The following PPFIBP2 variants were observed in gnomAD, a reference collection of about 807,000 sequenced individuals.
The protein encoded by PPFIBP2 is liprin-beta-2.
In PPFIBP2, 118 loss-of-function variants were observed where a neutral mutation model predicts 118.3. The observed-to-expected ratio is 1.00, with a 90% CI of 0.86 to 1.16. PPFIBP2 has a LOEUF of 1.16. Ranked by LOEUF, PPFIBP2 falls within the 50% of genes most tolerant of loss-of-function variation. PPFIBP2 has a pLI of 0.00. For missense variants in PPFIBP2, 1,195 were observed against 1,073.1 expected (o/e 1.11, Z -1.59); for synonymous variants, 414 against 397.4 (o/e 1.04, Z -0.50).
At chr11:7,628,031 A>G (rs1460908396) in intron 8 of PPFIBP2, among the ~76,000 whole-genome samples, 1 of 152,098 alleles carries the variant, frequency 6.6e-6, no homozygotes, top group Non-Finnish European at 1.5e-5. Flanking sequence ...TGTCCTCTCG[A>G]GTACATGGGC....
chr11:7,520,654 A>C (rs1263033829), intron 1 of PPFIBP2, among the ~76,000 whole-genome samples: 3 of 152,214 alleles, frequency 2.0e-5, no homozygotes, highest in African/African-American at 7.2e-5. Context: ...CAGCCTGTTC[A>C]TCCCCATTCA....
intron 11 of PPFIBP2, among the ~76,000 whole-genome samples, chr11:7,631,577 C>G (rs965510726): frequency 1.3e-5 from 2 of 152,084 alleles, no homozygotes; most frequent in Non-Finnish European, 2.9e-5. Flanking sequence ...GTATGAATCT[C>G]TCTAGACTTA....
chr11:7,552,477 C>T (rs1217950369), intron 2 of PPFIBP2, among the ~76,000 whole-genome samples: 1 of 152,026 alleles, frequency 6.6e-6, no homozygotes, highest in Admixed American at 6.6e-5. Flanking sequence ...CTGGATTTGC[C>T]CAGGGTCTGC....
rs751409367 is a variant in PPFIBP2 at position 7,610,303 on chromosome 11, C to T, written c.499C>T (p.Arg167Cys). The stretch of plus-strand genomic sequence containing the variant: ...TTTTTGCTTGCAGGAGCTGCTAAGC[C>T]GCACATCTCTTGAGACCCAGAAGCT... The part of the protein sequence containing the change: ...EEMLQQELLS[R>C]TSLETQKLDL... The change falls in exon 6 of 24, where the codon CGC becomes TGC. Residue 167 changes from arginine (R) to cysteine (C), a missense_variant. Arg to Cys is a radical substitution (Grantham distance 180). Coordinates refer to ENST00000299492, the MANE Select transcript of PPFIBP2 (RefSeq NM_003621.5). 27 of 1,613,804 alleles carry T rather than the reference C, an allele frequency of 1.7e-5. No homozygotes were observed. Among genetic ancestry groups the T allele is most frequent in the Admixed American group, 3.3e-5 (2 of 59,998 alleles).
chr11:7,646,482 A>G (rs1853081305), intron 17 of PPFIBP2, among the ~76,000 whole-genome samples: 1 of 152,240 alleles, frequency 6.6e-6, no homozygotes, highest in Admixed American at 6.5e-5. Context: ...GACTAAATCA[A>G]CCGTCTGTTG....
the PPFIBP2 span, among the ~76,000 whole-genome samples, chr11:7,664,021 G>A: frequency 7.2e-5 from 11 of 152,122 alleles, no homozygotes; most frequent in South Asian, 4.2e-4. Context: ...CACGGTGCGC[G>A]CACCCACTGA....
chr11:7,658,308 CACA>C (rs1374368660), downstream of PPFIBP2, among the ~76,000 whole-genome samples: 1 of 117,376 alleles, frequency 8.5e-6, no homozygotes, highest in African/African-American at 3.5e-5. Flanking sequence ...CCCCCCACCC[CACA>C]ACAGTCCCCA....
In PPFIBP2 at chr11:7,648,882, C is replaced by T. The variant is rs1853547501; in HGVS notation, c.1880C>T (p.Ser627Phe). 1.2e-6 allele frequency: 2 copies of T among 1,613,952 alleles called. No homozygotes were observed. The highest frequency in any genetic ancestry group is 1.3e-5 in the African/African-American group (1 of 74,926). The change falls in exon 19 of 24, where the codon TCT becomes TTT. Residue 627 changes from serine to phenylalanine, a missense_variant. Transcript: ENST00000299492. ...KAINTKQEEK[S>F]ALLDHIWVTR... is the part of the protein sequence containing the mutation. Reference sequence around the variant, plus strand: ...ATCAACACCAAACAGGAGGAGAAGTCTGCACTGCTAGACCACATTTGGGTG... The same window carrying T: ...ATCAACACCAAACAGGAGGAGAAGTTTGCACTGCTAGACCACATTTGGGTG...
intron 3 of PPFIBP2, 138 bp downstream of exon 3, chr11:7,565,905 G>A: frequency 1.1e-6 from 1 of 916,528 alleles, no homozygotes; most frequent in Non-Finnish European, 1.6e-6. Flanking sequence ...GGCCAACGCT[G>A]CAGGGTGGCC....
rs190735437 is a variant in PPFIBP2 at position 7,602,127 on chromosome 11, A to C, written c.486+4454A>C. On this transcript the variant is annotated intron_variant, in intron 5 of 23. Coordinates refer to ENST00000299492, the MANE Select transcript of PPFIBP2 (RefSeq NM_003621.5). ...AAAAAAAAAAGAAGAGTCATTTCTC[A>C]AAAGGATCTTTAAGGGAGGGACAGT... is the stretch of plus-strand genomic sequence containing the variant. 1.4e-3 allele frequency among the ~76,000 whole-genome samples: 205 copies of C among 151,004 alleles called. 1 individual carries two copies. The highest frequency in any genetic ancestry group is 9.2e-4 in the Admixed American group (14 of 15,174).
At chr11:7,604,311 T>C (rs1044494462) in intron 5 of PPFIBP2, among the ~76,000 whole-genome samples, 2 of 152,192 alleles carry the variant, frequency 1.3e-5, no homozygotes, top group East Asian at 3.8e-4. Context: ...AAATGCAAGC[T>C]GCATCTCAAA....
intron 1 of PPFIBP2, among the ~76,000 whole-genome samples, chr11:7,527,894 C>T (rs1283614820): frequency 2.0e-5 from 3 of 152,110 alleles, no homozygotes; most frequent in Non-Finnish European, 4.4e-5. Context: ...TGGAAATTAC[C>T]GTCTATGAAG....
At position 7,549,785 on chromosome 11, in the gene PPFIBP2, C is replaced by T. The variant is rs927737334; in HGVS notation, c.64+246C>T. 9.2e-5 allele frequency among the ~76,000 whole-genome samples: 14 copies of T among 151,992 alleles called. No individual in the cohort carries two copies. The East Asian group carries it at 1.5e-3, about 17-fold the overall frequency. On this transcript the variant is annotated intron_variant, in intron 2 of 23. Transcript: ENST00000299492. ...CAGTGTGGATGTACCTACCATCTAC[C>T]GTCTCAGTTTGGATTCTGGCTGTGA...
the PPFIBP2 span, among the ~76,000 whole-genome samples, chr11:7,664,241 T>C: frequency 6.6e-6 from 1 of 152,140 alleles, no homozygotes; most frequent in African/African-American, 2.4e-5. Context: ...GAGATGACAC[T>C]TGAATTTGGA....
chr11:7,606,886 ATTTTTTTTTTTTTTTTTTTTTTTT>A (rs529585905), intron 5 of PPFIBP2, among the ~76,000 whole-genome samples: 21 of 51,442 alleles, frequency 4.1e-4, no homozygotes, highest in Admixed American at 1.2e-3. Context: ...AACTGCATGA[ATTTTTTTTTTTTTTTTTTTTTTTT>A]TTTTTTTTTT....
chr11:7,642,898 T>C (rs4130497), intron 17 of PPFIBP2, among the ~76,000 whole-genome samples: 2,965 of 152,308 alleles, frequency 0.019, 99 homozygotes, highest in African/African-American at 0.067. Context: ...TCTTAGCTTA[T>C]TTTGCACATG....
chr11:7,659,348 C>A (rs1306692830), downstream of PPFIBP2, among the ~76,000 whole-genome samples: 1 of 146,076 alleles, frequency 6.8e-6, no homozygotes, highest in African/African-American at 2.5e-5. Context: ...GATCCAGTTT[C>A]AGCTTTCTAC....
chr11:7,527,667 T>C (rs1850347225), intron 1 of PPFIBP2, among the ~76,000 whole-genome samples: 1 of 152,116 alleles, frequency 6.6e-6, no homozygotes. Context: ...GGGGCCTGGC[T>C]TGCTGAGGAG....
At chr11:7,617,214 C>G in intron 6 of PPFIBP2, 1 of 985,446 alleles carries the variant, frequency 1.0e-6, no homozygotes, top group Non-Finnish European at 1.2e-6. Context: ...TAGGGACCAC[C>G]CTGAGGAGGT....
Sources: gnomAD v4.1 joint callset for allele counts (sites outside exome capture counted in the v4.1 genomes callset) on GRCh38, gnomAD v4.1.1 for gene constraint, MANE v1.5 for transcripts, NCBI Gene and HGNC (gene_info 2026-07-23, HGNC 2026-07-21) for gene names.